Variants in TNKS observed in about 807,000 individuals in gnomAD.
TNKS encodes the protein poly [ADP-ribose] polymerase tankyrase-1.
TNKS carries 72 observed loss-of-function variants against 135.8 expected under a neutral mutation model. That is an observed-to-expected ratio of 0.53 (90% CI 0.44 to 0.64). The LOEUF is 0.64. Ranked by LOEUF, TNKS falls within the 30% of genes least tolerant of loss-of-function variation. TNKS has a pLI of 0.00. For missense variants in TNKS, 1,769 were observed against 1,674.0 expected (o/e 1.06, Z -0.99); for synonymous variants, 849 against 649.3 (o/e 1.31, Z -4.68).
At chr8:9,776,198 C>G (rs952838791) in intron 26 of TNKS, among the ~76,000 whole-genome samples, 1 of 152,232 alleles carries the variant, frequency 6.6e-6, no homozygotes, top group Non-Finnish European at 1.5e-5. Flanking sequence ...CTCAGTACAT[C>G]TCACCCTTAC....
intron 24 of TNKS, 42 bp downstream of exon 24, chr8:9,765,839 T>G: frequency 6.5e-7 from 1 of 1,531,950 alleles, no homozygotes; most frequent in Non-Finnish European, 9.0e-7. Flanking sequence ...CCCTGGGCCT[T>G]TGCAGGAGTC....
intron 1 of TNKS, among the ~76,000 whole-genome samples, chr8:9,561,546 T>G (rs1315990046): frequency 1.3e-5 from 2 of 152,234 alleles, no homozygotes; most frequent in Non-Finnish European, 2.9e-5. Flanking sequence ...TAGTTTCTTT[T>G]TACTGCTGAG....
intron 3 of TNKS, among the ~76,000 whole-genome samples, chr8:9,668,832 G>C (rs181790358): frequency 3.3e-5 from 5 of 152,262 alleles, no homozygotes; most frequent in African/African-American, 1.2e-4. Flanking sequence ...GTGGAATAGG[G>C]AACAGTGAAT....
At chr8:9,679,114 A>G (rs1038088946) in intron 3 of TNKS, among the ~76,000 whole-genome samples, 1 of 152,198 alleles carries the variant, frequency 6.6e-6, no homozygotes, top group South Asian at 2.1e-4. Context: ...ATCATTTGAT[A>G]TATTTTTAAA....
In TNKS at chr8:9,773,822, G is replaced by A. The variant is rs372861280; in HGVS notation, c.3898-2828G>A. 5.9e-5 allele frequency among the ~76,000 whole-genome samples: 9 copies of A among 152,114 alleles called. No individual in the cohort carries two copies. In the East Asian group the frequency reaches 1.2e-3, roughly 20 times the overall value. ...ATATTCAGGTATACTTGTACACATG[G>A]ATCGTGTTAACTCTAGCGTCTGCTA... On this transcript the variant is annotated intron_variant, in intron 26 of 26. Transcript: ENST00000310430.
intron 3 of TNKS, among the ~76,000 whole-genome samples, chr8:9,655,727 C>G (rs533229263): frequency 1.3e-5 from 2 of 152,130 alleles, no homozygotes; most frequent in East Asian, 1.9e-4. Context: ...GACATCCACA[C>G]CAAAAACCCA....
intron 2 of TNKS, among the ~76,000 whole-genome samples, chr8:9,583,318 C>T (rs1585195857): frequency 6.6e-6 from 1 of 152,056 alleles, no homozygotes; most frequent in East Asian, 1.9e-4. Flanking sequence ...CTACTTAAGA[C>T]TGTGGTCTTG....
intron 3 of TNKS, among the ~76,000 whole-genome samples, chr8:9,643,511 C>G (rs990643181): frequency 6.6e-6 from 1 of 152,036 alleles, no homozygotes; most frequent in Non-Finnish European, 1.5e-5. Flanking sequence ...TCCCGCCTCT[C>G]AAAACTATTG....
At chr8:9,651,629 C>G (rs1210729111) in intron 3 of TNKS, among the ~76,000 whole-genome samples, 1 of 152,176 alleles carries the variant, frequency 6.6e-6, no homozygotes, top group East Asian at 1.9e-4. Context: ...TCAGAAATAT[C>G]TGTTCGGGAG....
intron 3 of TNKS, among the ~76,000 whole-genome samples, chr8:9,628,060 A>C (rs1800132464): frequency 1.3e-5 from 2 of 151,890 alleles, no homozygotes; most frequent in South Asian, 2.1e-4. Flanking sequence ...ATTCCATCTC[A>C]CCTTCTCAGG....
At chr8:9,692,363 G>C (rs1380321444) in intron 5 of TNKS, among the ~76,000 whole-genome samples, 1 of 152,134 alleles carries the variant, frequency 6.6e-6, no homozygotes, top group Non-Finnish European at 1.5e-5. Flanking sequence ...CGCTGTAAAG[G>C]TTCTGTGTCA....
intron 3 of TNKS, among the ~76,000 whole-genome samples, chr8:9,629,432 A>T (rs1445123481): frequency 6.6e-6 from 1 of 152,140 alleles, no homozygotes; most frequent in Non-Finnish European, 1.5e-5. Flanking sequence ...CCCCCTTAAA[A>T]ATCTTTTCAC....
At chr8:9,667,856 T>TTTTCTTTTTTTTTTTTTTTTTTTTTTTA (rs1802072975) in intron 3 of TNKS, among the ~76,000 whole-genome samples, 1 of 129,280 alleles carries the variant, frequency 7.7e-6, no homozygotes, top group Non-Finnish European at 1.7e-5. Context: ...TTTTTTTTTT[T>TTTTCTTTTTTTTTTTTTTTTTTTTTTTA]GAGTCTCATT....
At chr8:9,579,063 T>G (rs983185515) in intron 1 of TNKS, among the ~76,000 whole-genome samples, 2 of 152,218 alleles carry the variant, frequency 1.3e-5, no homozygotes, top group African/African-American at 4.8e-5. Context: ...TTCTTAGTAT[T>G]TCTTACCTTT....
chr8:9,726,467 T>C (rs1805170055), intron 12 of TNKS, among the ~76,000 whole-genome samples, 174 bp from the exon 13 acceptor site: 1 of 152,220 alleles, frequency 6.6e-6, no homozygotes, highest in Admixed American at 6.5e-5. Context: ...CCTAGGTTTG[T>C]ATAACAAATC....
chr8:9,619,906 A>G (rs1300318450), intron 3 of TNKS, among the ~76,000 whole-genome samples: 1 of 150,254 alleles, frequency 6.7e-6, no homozygotes, highest in African/African-American at 2.5e-5. Context: ...AGCTTTGACT[A>G]CTAGATTTTG....
intron 3 of TNKS, among the ~76,000 whole-genome samples, chr8:9,669,652 T>C (rs542185223): frequency 2.0e-5 from 3 of 152,302 alleles, no homozygotes; most frequent in Non-Finnish European, 2.9e-5. Flanking sequence ...GAAGTCACAA[T>C]TGATTCAGCT....
chr8:9,605,955 AGT>A (rs1799200997), intron 2 of TNKS, among the ~76,000 whole-genome samples: 1 of 151,952 alleles, frequency 6.6e-6, no homozygotes, highest in East Asian at 1.9e-4. Context: ...GATAAAACAC[AGT>A]TTATTGGTAT....
At chr8:9,657,280 C>A (rs1258125490) in intron 3 of TNKS, among the ~76,000 whole-genome samples, 1 of 96,588 alleles carries the variant, frequency 1.0e-5, no homozygotes, top group African/African-American at 3.9e-5. Flanking sequence ...CCGGACGGGG[C>A]GGCTGGCCGG....
Sources: allele counts gnomAD v4.1 joint callset (sites outside exome capture counted in the v4.1 genomes callset), GRCh38; gene constraint gnomAD v4.1.1; transcripts MANE v1.5; gene names NCBI Gene and HGNC (gene_info 2026-07-23, HGNC 2026-07-21).